Variants in PRPF39 observed in about 807,000 individuals in gnomAD.
PRPF39 encodes the protein pre-mRNA-processing factor 39.
Under a neutral mutation model 82.1 loss-of-function variants are expected in PRPF39, and 27 were observed. The ratio of observed to expected loss-of-function variants is 0.33; its 90% CI spans 0.24 to 0.45. The LOEUF is 0.45. PRPF39 is among the 20% of genes least tolerant of loss of function. The pLI is 1.00. For synonymous variants in PRPF39, 261 were observed against 256.4 expected (o/e 1.02, Z -0.17); for missense variants, 581 against 796.9 (o/e 0.73, Z 3.26).
intron 3 of PRPF39, 199 bp from the exon 4 acceptor site, chr14:45,096,688 G>A (rs1330057175): frequency 4.0e-6 from 6 of 1,516,596 alleles, no homozygotes; most frequent in African/African-American, 1.4e-5. Flanking sequence ...GGACTGCTGC[G>A]CTTTGAAGAT....
At position 45,096,718 on chromosome 14, in the gene PRPF39, A is replaced by C; in HGVS notation, c.451-169A>C. 3 of 1,529,184 alleles carry C rather than the reference A, an allele frequency of 2.0e-6. No homozygotes were observed. The South Asian group carries it at 3.6e-5, about 18-fold the overall frequency. 94.7% of individuals were successfully genotyped at this position (1,529,184 alleles called of 1,614,324 possible). On this transcript the variant is annotated intron_variant, in intron 3 of 13. Transcript: ENST00000355765. ...GAAGATCAAGACTCTGCACGTGGGG[A>C]TCAGAACATTGCCATGTTCTATCCA... is the stretch of plus-strand genomic sequence containing the variant.
chr14:45,108,026 C>T lies in PRPF39; in HGVS notation c.904-389C>T, dbSNP rs556610800. Among the ~76,000 whole-genome samples, 44 of 152,104 alleles carry T rather than the reference C, an allele frequency of 2.9e-4. No individual in the cohort carries two copies. In the South Asian group the frequency reaches 5.6e-3, roughly 19 times the overall value. On this transcript the variant is annotated intron_variant, in intron 6 of 13. Coordinates refer to ENST00000355765, the MANE Select transcript of PRPF39 (RefSeq NM_017922.4). ...ATCACTTATATAACTGGCCATTTAC[C>T]CAGTGACTTGTAGCTTGTTTGAAGT...
chr14:45,087,820 C>T (rs1310026618), intron 1 of PRPF39, among the ~76,000 whole-genome samples: 1 of 149,996 alleles, frequency 6.7e-6, no homozygotes. Flanking sequence ...ATCTCCTGAC[C>T]TCATGATCCG....
At chr14:45,095,723 T>G in intron 2 of PRPF39, 160 bp downstream of exon 2, 1 of 964,050 alleles carries the variant, frequency 1.0e-6, no homozygotes, top group Non-Finnish European at 1.5e-6. Flanking sequence ...TGAAAATAGC[T>G]TACAGCTTTT....
intron 13 of PRPF39, 63 bp downstream of exon 13, chr14:45,114,677 C>T (rs987938838): frequency 2.6e-6 from 4 of 1,532,284 alleles, no homozygotes; most frequent in Non-Finnish European, 2.6e-6. Flanking sequence ...AGGATAGTTT[C>T]TTTTTTTTTA....
In PRPF39 at chr14:45,110,471, GA is replaced by G. The variant is rs1287658163; in HGVS notation, c.1304-77del. On this transcript the variant is annotated intron_variant, in intron 9 of 13. Coordinates refer to ENST00000355765, the MANE Select transcript of PRPF39 (RefSeq NM_017922.4). The surrounding 1 kb of genome is among the most constrained non-coding windows in gnomAD (Gnocchi z 4.0). The stretch of plus-strand genomic sequence containing the variant: ...TAGTTGCTGGATTTAGCCCATGGGT[GA>G]TTGTTGCCAGTATCTGGTTATAAAC... 4 of 1,411,622 alleles carry G rather than the reference GA, an allele frequency of 2.8e-6. No homozygotes were observed. Among genetic ancestry groups the G allele is most frequent in the African/African-American group, 2.9e-5 (2 of 69,316 alleles). 87.4% of individuals were successfully genotyped at this position (1,411,622 alleles called of 1,614,324 possible). A position where few individuals can be genotyped will look rare whatever the true frequency, so the allele number is the denominator to read the frequency against.
intron 1 of PRPF39, among the ~76,000 whole-genome samples, chr14:45,086,595 G>A: frequency 6.6e-6 from 1 of 152,158 alleles, no homozygotes; most frequent in East Asian, 1.9e-4. Flanking sequence ...AAATGGCAAT[G>A]AGGAGGAGTA....
chr14:45,089,058 C>G (rs879128560), intron 1 of PRPF39, among the ~76,000 whole-genome samples: 1 of 152,238 alleles, frequency 6.6e-6, no homozygotes, highest in African/African-American at 2.4e-5. Context: ...TGCCTTTTCA[C>G]TCCACTGATT....
At chr14:45,091,917 A>C (rs1284015750) in intron 1 of PRPF39, among the ~76,000 whole-genome samples, 1 of 152,214 alleles carries the variant, frequency 6.6e-6, no homozygotes, top group Non-Finnish European at 1.5e-5. Flanking sequence ...ATAGGAATTT[A>C]TTTCCTTACA....
chr14:45,085,148 G>T (rs1250674732), intron 1 of PRPF39, among the ~76,000 whole-genome samples: 1 of 152,194 alleles, frequency 6.6e-6, no homozygotes, highest in Admixed American at 6.5e-5. Flanking sequence ...GTTTTAGGCT[G>T]TATGGGAGCT....
At chr14:45,102,754 T>C in intron 5 of PRPF39, 58 bp downstream of exon 5, 1 of 1,404,284 alleles carries the variant, frequency 7.1e-7, no homozygotes, top group Non-Finnish European at 9.7e-7. Context: ...GTTGGTAATA[T>C]TAAGTATTAT....
In PRPF39 at chr14:45,107,526, A is replaced by G. The variant is rs200872386; in HGVS notation, c.813A>G (p.Glu271=). Residue 271 remains glutamate, a synonymous_variant, in exon 6 of 14, where the codon GAA becomes GAG. Transcript: ENST00000355765. The part of the protein sequence containing the change: ...TGEQFIQLRR[E]LASVNGHSGD... ...AACAGTTTATTCAGTTGCGAAGGGA[A>G]TTAGCTTCTGTAAATGGTCATAGTG... is the stretch of plus-strand genomic sequence containing the variant. 1.9e-5 allele frequency: 29 copies of G among 1,559,764 alleles called. No homozygotes were observed. In the East Asian group the frequency reaches 6.6e-4, roughly 36 times the overall value.
rs904288191 is a variant in PRPF39, at chr14:45,114,343, G to T, written c.1832+86G>T. 8.7e-6 allele frequency: 12 copies of T among 1,374,872 alleles called. No homozygotes were observed. The African/African-American group carries it at 1.3e-4, about 15-fold the overall frequency. 85.2% of individuals were successfully genotyped at this position (1,374,872 alleles called of 1,614,324 possible). On this transcript the variant is annotated intron_variant, in intron 12 of 13. Transcript: ENST00000355765. The stretch of plus-strand genomic sequence containing the variant: ...AAATGTTTTTAAGTGTTACTTTTAT[G>T]TTGTAATTTACATACTTTATTTTCA...
intron 1 of PRPF39, among the ~76,000 whole-genome samples, chr14:45,088,823 A>G (rs1171822710): frequency 6.6e-6 from 1 of 152,220 alleles, no homozygotes; most frequent in Non-Finnish European, 1.5e-5. Context: ...GTTGAATTAC[A>G]CATGTATATG....
Position 45,096,132 on chromosome 14 carries a change from T to C in PRPF39, c.354T>C (p.Phe118=). ...ENHLMAARKA[F]DRFFIHYPYC... Reference sequence around the variant, plus strand: ...ACTTGATGGCTGCCAGGAAGGCATTTGACAGATTTTTCATACACTATCCGT... The same window carrying C: ...ACTTGATGGCTGCCAGGAAGGCATTCGACAGATTTTTCATACACTATCCGT... Residue 118 remains phenylalanine, a synonymous_variant, in exon 3 of 14, where the codon TTT becomes TTC. Transcript: ENST00000355765. 6.3e-7 allele frequency: 1 copy of C among 1,580,568 alleles called. No homozygotes were observed. The highest frequency in any genetic ancestry group is 8.6e-7 in the Non-Finnish European group (1 of 1,161,950).
In PRPF39 at chr14:45,108,404, T is replaced by G; in HGVS notation, c.904-11T>G. On this transcript the variant is annotated splice_polypyrimidine_tract_variant and intron_variant, in intron 6 of 13. Transcript: ENST00000355765. ...TTGTGAGATTTATTTTTTTCCCTTT[T>G]TCTTCCCAAGCTAATTACAGAAATA... 1.9e-6 allele frequency: 3 copies of G among 1,564,074 alleles called. No homozygotes were observed. Among genetic ancestry groups the G allele is most frequent in the Non-Finnish European group, 2.6e-6 (3 of 1,163,676 alleles).
Position 45,114,859 on chromosome 14 carries a change from C to T in PRPF39, c.1956C>T (p.Tyr652=), listed in dbSNP as rs759723881. The change falls in exon 14 of 14, where the codon TAC becomes TAT. Residue 652 remains tyrosine, a splice_region_variant and synonymous_variant. Coordinates refer to ENST00000355765, the MANE Select transcript of PRPF39 (RefSeq NM_017922.4). Reference sequence around the variant, plus strand: ...ACATACTTACTTTTTCCTTTCAGTACAATTATCAGAATCCTTGGAATTATG... The same window carrying T: ...ACATACTTACTTTTTCCTTTCAGTATAATTATCAGAATCCTTGGAATTATG... ...AVYNYSAWYQ[Y]NYQNPWNYGQ... 2 of 1,594,852 alleles carry T rather than the reference C, an allele frequency of 1.3e-6. No homozygotes were observed. Among genetic ancestry groups the T allele is most frequent in the African/African-American group, 2.7e-5 (2 of 74,388 alleles).
intron 1 of PRPF39, among the ~76,000 whole-genome samples, chr14:45,091,298 G>C (rs1244083722): frequency 6.6e-6 from 1 of 152,062 alleles, no homozygotes; most frequent in South Asian, 2.1e-4. Flanking sequence ...ACACCACTGT[G>C]CCCAGCTAAT....
intron 1 of PRPF39, among the ~76,000 whole-genome samples, chr14:45,092,323 C>G (rs1884055062): frequency 6.6e-6 from 1 of 152,176 alleles, no homozygotes; most frequent in Admixed American, 6.5e-5. Context: ...TCAGCATCGG[C>G]TGTGCACGGT....
Sources: gnomAD v4.1 joint callset for allele counts (sites outside exome capture counted in the v4.1 genomes callset) on GRCh38, gnomAD v4.1.1 for gene constraint, Gnocchi (gnomAD v3.1) non-coding constraint, MANE v1.5 for transcripts, NCBI Gene and HGNC (gene_info 2026-07-23, HGNC 2026-07-21) for gene names.